Variants in SCAP observed in about 807,000 individuals in gnomAD.
The protein encoded by SCAP is SREBF chaperone, also known as sterol regulatory element-binding protein cleavage-activating protein.
SCAP carries 65 observed loss-of-function variants against 123.6 expected under a neutral mutation model. The ratio of observed to expected loss-of-function variants is 0.53; its 90% CI spans 0.43 to 0.65. SCAP has a LOEUF of 0.65. Ranked by LOEUF, SCAP falls within the 30% of genes least tolerant of loss-of-function variation. The pLI is 0.00. For missense variants in SCAP, 1,398 were observed against 1,712.5 expected (o/e 0.82, Z 3.24); for synonymous variants, 740 against 726.3 (o/e 1.02, Z -0.30).
At chr3:47,447,772 C>G (rs1220737841) in intron 1 of SCAP, among the ~76,000 whole-genome samples, 1 of 151,468 alleles carries the variant, frequency 6.6e-6, no homozygotes, top group Non-Finnish European at 1.5e-5. Context: ...TTTGGGAGGC[C>G]AGGGCAGGCA....
chr3:47,421,023 A>C lies in SCAP; in HGVS notation c.1252T>G (p.Cys418Gly). 1 of 1,613,666 alleles carries C rather than the reference A, an allele frequency of 6.2e-7. No homozygotes were observed. Among genetic ancestry groups the C allele is most frequent in the East Asian group, 2.2e-5 (1 of 44,870 alleles). Residue 418 changes from cysteine to glycine, a missense_variant, in exon 11 of 23, where the codon TGT (cysteine) becomes GGT (glycine). Cys to Gly is a radical substitution (Grantham distance 159, BLOSUM62 -3). This residue lies in a region of SCAP where 66 missense variants were observed against 116.3 expected (regional missense o/e 0.57). Transcript: ENST00000265565. Reference sequence around the variant, plus strand: ...ACCAGCCCCACGACAGCAAAGAGACAGAACTCCTGGAATCAGAGCACATGG... The same window carrying C: ...ACCAGCCCCACGACAGCAAAGAGACCGAACTCCTGGAATCAGAGCACATGG... The part of the protein sequence containing the change: ...FTLVPAIQEF[C>G]LFAVVGLVSD...
chr3:47,431,448 G>A (rs1376465434), intron 3 of SCAP, among the ~76,000 whole-genome samples: 2 of 151,624 alleles, frequency 1.3e-5, no homozygotes, highest in African/African-American at 4.8e-5. Flanking sequence ...TTTGCCTAAT[G>A]TCCTTTTTCT....
chr3:47,453,946 C>G, intron 1 of SCAP, among the ~76,000 whole-genome samples: 1 of 152,114 alleles, frequency 6.6e-6, no homozygotes, highest in East Asian at 1.9e-4. Context: ...AAACATCATC[C>G]TATTCATTTT....
chr3:47,436,341 T>C (rs1382212872), intron 2 of SCAP, among the ~76,000 whole-genome samples: 1 of 152,142 alleles, frequency 6.6e-6, no homozygotes, highest in East Asian at 1.9e-4. Flanking sequence ...ATCAAAAAGT[T>C]GGCAAATAAG....
intron 1 of SCAP, among the ~76,000 whole-genome samples, chr3:47,443,743 T>C (rs1706915683): frequency 6.6e-6 from 1 of 152,232 alleles, no homozygotes; most frequent in South Asian, 2.1e-4. Context: ...TGTTCCTGCC[T>C]GCCCAGTACC....
intron 1 of SCAP, among the ~76,000 whole-genome samples, chr3:47,475,116 C>G (rs545754806): frequency 6.6e-6 from 1 of 152,270 alleles, no homozygotes; most frequent in African/African-American, 2.4e-5. Flanking sequence ...GTGAGTGACC[C>G]GAACCAGGGG....
At chr3:47,461,258 T>C (rs1344484004) in intron 1 of SCAP, among the ~76,000 whole-genome samples, 2 of 152,202 alleles carry the variant, frequency 1.3e-5, no homozygotes, top group Non-Finnish European at 2.9e-5. Flanking sequence ...CACATCTACA[T>C]GGTGCTCATT....
At chr3:47,433,605 G>A (rs1176031458) in intron 3 of SCAP, among the ~76,000 whole-genome samples, 2 of 152,190 alleles carry the variant, frequency 1.3e-5, no homozygotes, top group Non-Finnish European at 2.9e-5. Context: ...AATGGCTCAC[G>A]CCTGTAATCC....
At chr3:47,452,168 T>A (rs1707250450) in intron 1 of SCAP, among the ~76,000 whole-genome samples, 1 of 152,262 alleles carries the variant, frequency 6.6e-6, no homozygotes, top group Admixed American at 6.5e-5. Context: ...TTCCCTGGTT[T>A]ACTATCTGTC....
chr3:47,440,606 C>T (rs1706755375), intron 2 of SCAP, among the ~76,000 whole-genome samples: 3 of 152,188 alleles, frequency 2.0e-5, no homozygotes, highest in Admixed American at 2.0e-4. Flanking sequence ...TTTGGTGGCT[C>T]ACACCTGTAA....
intron 3 of SCAP, among the ~76,000 whole-genome samples, chr3:47,434,187 G>A (rs1451344179): frequency 6.6e-6 from 1 of 152,194 alleles, no homozygotes; most frequent in Non-Finnish European, 1.5e-5. Flanking sequence ...AAAAGGAAAT[G>A]GGAATATGCT....
At chr3:47,425,917 T>A in intron 7 of SCAP, 80 bp downstream of exon 7, 1 of 1,515,592 alleles carries the variant, frequency 6.6e-7, no homozygotes, top group African/African-American at 1.4e-5. Flanking sequence ...CCAAGCCACC[T>A]CCAGAGCCAG....
chr3:47,417,095 T>C (rs1442397267), intron 18 of SCAP, 27 bp downstream of exon 18: 2 of 1,607,032 alleles, frequency 1.2e-6, no homozygotes, highest in Non-Finnish European at 1.7e-6. Flanking sequence ...GCTGGGGACA[T>C]CTGGGGCTGA....
intron 3 of SCAP, among the ~76,000 whole-genome samples, chr3:47,433,409 T>C (rs1201986327): frequency 6.6e-6 from 1 of 152,180 alleles, no homozygotes; most frequent in East Asian, 1.9e-4. Flanking sequence ...CTCTAGTTAT[T>C]CTGCACCAAC....
In SCAP at chr3:47,417,425, C is replaced by T. The variant is rs760290855; in HGVS notation, c.2849G>A (p.Gly950Asp). ...PVLSQAPEDE[G>D]GSPEKGSPSL... Reference sequence around the variant, plus strand: ...AGGGGAGCCTTTCTCGGGGGAGCCACCCTCGTCCTCAGGGGCCTGGGACAG... The same window carrying T: ...AGGGGAGCCTTTCTCGGGGGAGCCATCCTCGTCCTCAGGGGCCTGGGACAG... The change falls in exon 17 of 23, where the codon GGT becomes GAT. Residue 950 changes from glycine (G) to aspartate (D), a missense_variant. This residue lies in a region of SCAP where 828 missense variants were observed against 882.5 expected (regional missense o/e 0.94). Transcript: ENST00000265565. 3.2e-6 allele frequency: 5 copies of T among 1,562,086 alleles called. No homozygotes were observed. The highest frequency in any genetic ancestry group is 4.3e-6 in the Non-Finnish European group (5 of 1,154,694).
intron 1 of SCAP, among the ~76,000 whole-genome samples, chr3:47,453,739 A>G (rs973939782): frequency 3.3e-5 from 5 of 152,072 alleles, no homozygotes; most frequent in Non-Finnish European, 5.9e-5. Context: ...GCCCTCATGA[A>G]TATCACAGTA....
chr3:47,460,936 C>G (rs1249655391), intron 1 of SCAP, among the ~76,000 whole-genome samples: 1 of 152,222 alleles, frequency 6.6e-6, no homozygotes, highest in East Asian at 1.9e-4. Context: ...AGAAATGTGG[C>G]AAAGAAGAAA....
chr3:47,448,770 ATTAATACT>A (rs1472263136), intron 1 of SCAP, among the ~76,000 whole-genome samples: 2 of 152,140 alleles, frequency 1.3e-5, no homozygotes, highest in Non-Finnish European at 2.9e-5. Context: ...CAAGGTTTTA[ATTAATACT>A]TTAATTATAC....
At chr3:47,465,256 C>T (rs1275341343) in intron 1 of SCAP, among the ~76,000 whole-genome samples, 1 of 151,678 alleles carries the variant, frequency 6.6e-6, no homozygotes, top group Non-Finnish European at 1.5e-5. Flanking sequence ...CTGCAATCTC[C>T]GCCTCCCAGG....
Sources: allele counts gnomAD v4.1 joint callset (sites outside exome capture counted in the v4.1 genomes callset), GRCh38; gene constraint gnomAD v4.1.1; regional missense constraint gnomAD v4.1.1; transcripts MANE v1.5; gene names NCBI Gene and HGNC (gene_info 2026-07-23, HGNC 2026-07-21).